The following RNLS variants were observed in gnomAD, a reference collection of about 807,000 sequenced individuals.
The protein encoded by RNLS is renalase, FAD dependent amine oxidase, also known as renalase.
Under a neutral mutation model 39.8 loss-of-function variants are expected in RNLS, and 39 were observed. That is an observed-to-expected ratio of 0.98 (90% CI 0.76 to 1.28). The LOEUF is 1.28. RNLS is among the 50% of genes most tolerant of loss of function. The pLI, the probability that RNLS is intolerant of heterozygous loss-of-function variation, is 0.00. For synonymous variants in RNLS, 147 were observed against 150.7 expected (o/e 0.98, Z 0.18); for missense variants, 410 against 413.3 (o/e 0.99, Z 0.07).
chr10:88,437,127 A>G (rs1841453857), intron 4 of RNLS, among the ~76,000 whole-genome samples: 1 of 152,214 alleles, frequency 6.6e-6, no homozygotes, highest in African/African-American at 2.4e-5. Flanking sequence ...TAAAACTAAG[A>G]CATTTTAGCA....
chr10:88,260,401 A>G, the RNLS span, among the ~76,000 whole-genome samples: 47 of 152,350 alleles, frequency 3.1e-4, no homozygotes, highest in African/African-American at 1.1e-3. Flanking sequence ...GAATTAATGC[A>G]AGTATGGAAT....
chr10:88,285,809 T>G (rs1178808334), intron 6 of RNLS, among the ~76,000 whole-genome samples: 1 of 152,100 alleles, frequency 6.6e-6, no homozygotes, highest in Non-Finnish European at 1.5e-5. Context: ...TCTGAAGGTT[T>G]ATCCCCCTGA....
At chr10:88,373,679 G>A (rs927161464) in intron 4 of RNLS, among the ~76,000 whole-genome samples, 9 of 151,956 alleles carry the variant, frequency 5.9e-5, no homozygotes, top group African/African-American at 2.2e-4. Flanking sequence ...ATGTACTGGT[G>A]TTCACACATT....
At chr10:88,313,278 AAAG>A (rs756835219) in intron 6 of RNLS, among the ~76,000 whole-genome samples, 34 of 152,206 alleles carry the variant, frequency 2.2e-4, no homozygotes, top group Non-Finnish European at 4.0e-4. Flanking sequence ...TGTTTCTTTT[AAAG>A]AAGTATTTAT....
chr10:88,319,781 G>A (rs1434845831), intron 5 of RNLS, among the ~76,000 whole-genome samples: 1 of 151,928 alleles, frequency 6.6e-6, no homozygotes, highest in Non-Finnish European at 1.5e-5. Flanking sequence ...GAAAAATATG[G>A]GATTATGTAA....
intron 4 of RNLS, among the ~76,000 whole-genome samples, chr10:88,444,122 A>C (rs1166580004): frequency 5.3e-5 from 8 of 152,182 alleles, no homozygotes; most frequent in Admixed American, 4.6e-4. Flanking sequence ...CTGAGATGAA[A>C]CTTCCAGAAG....
intron 4 of RNLS, among the ~76,000 whole-genome samples, chr10:88,571,009 G>A (rs1304545339): frequency 1.5e-5 from 2 of 137,550 alleles, no homozygotes; most frequent in Admixed American, 1.6e-4. Context: ...TTTGACACAA[G>A]GTCTTGCTCT....
intron 5 of RNLS, among the ~76,000 whole-genome samples, chr10:88,351,544 G>A (rs1249553401): frequency 6.6e-6 from 1 of 152,120 alleles, no homozygotes; most frequent in Non-Finnish European, 1.5e-5. Flanking sequence ...AGTTGTAGAT[G>A]TGTGGTATTA....
intron 5 of RNLS, 104 bp from the exon 6 acceptor site, chr10:88,314,745 A>C: frequency 1.1e-6 from 1 of 952,182 alleles, no homozygotes. Flanking sequence ...ATAATCAAGC[A>C]ATAAATGGAG....
chr10:88,249,009 G>A, the RNLS span, among the ~76,000 whole-genome samples: 1 of 152,118 alleles, frequency 6.6e-6, no homozygotes, highest in Non-Finnish European at 1.5e-5. Context: ...CCTGGGCCTG[G>A]TCCCCTCTGA....
chr10:88,505,776 T>C (rs527769900), intron 4 of RNLS, among the ~76,000 whole-genome samples: 9 of 152,216 alleles, frequency 5.9e-5, no homozygotes, highest in Non-Finnish European at 7.4e-5. Context: ...TAGCAGTCAC[T>C]ATGTCACCCA....
At chr10:88,398,451 G>T (rs1001825847) in intron 4 of RNLS, among the ~76,000 whole-genome samples, 10 of 151,902 alleles carry the variant, frequency 6.6e-5, no homozygotes, top group Non-Finnish European at 1.2e-4. Flanking sequence ...CTCTGGATTG[G>T]GTGATTAGCA....
intron 6 of RNLS, among the ~76,000 whole-genome samples, chr10:88,308,818 A>G (rs550995090): frequency 3.3e-5 from 5 of 152,348 alleles, no homozygotes; most frequent in African/African-American, 9.6e-5. Context: ...ATACATGTAC[A>G]CATATGTTCA....
At chr10:88,373,002 A>T (rs1284261838) in intron 4 of RNLS, among the ~76,000 whole-genome samples, 1 of 152,112 alleles carries the variant, frequency 6.6e-6, no homozygotes, top group Non-Finnish European at 1.5e-5. Context: ...CTATTATACA[A>T]AATGTCACAG....
chr10:88,489,409 A>AT (rs767331089), intron 4 of RNLS, among the ~76,000 whole-genome samples: 1 of 152,178 alleles, frequency 6.6e-6, no homozygotes, highest in East Asian at 1.9e-4. Context: ...CTTTATCACC[A>AT]TGGTACCCAG....
At chr10:88,443,585 C>T (rs189526338) in intron 4 of RNLS, among the ~76,000 whole-genome samples, 64 of 152,346 alleles carry the variant, frequency 4.2e-4, no homozygotes, top group African/African-American at 1.1e-3. Context: ...CTGTGACAGA[C>T]GGCACCTGGA....
chr10:88,335,277 G>A (rs1212732265), intron 5 of RNLS, among the ~76,000 whole-genome samples: 1 of 151,192 alleles, frequency 6.6e-6, no homozygotes, highest in African/African-American at 2.4e-5. Context: ...GAGTGCAGTG[G>A]CTCAATTTTG....
At chr10:88,539,074 TCTAAAAGA>T (rs1283659198) in intron 4 of RNLS, among the ~76,000 whole-genome samples, 1 of 152,168 alleles carries the variant, frequency 6.6e-6, no homozygotes, top group Non-Finnish European at 1.5e-5. Flanking sequence ...GGAAACTGTT[TCTAAAAGA>T]CTAAGGAAGA....
At chr10:88,489,424 T>C (rs1448242466) in intron 4 of RNLS, among the ~76,000 whole-genome samples, 2 of 152,214 alleles carry the variant, frequency 1.3e-5, no homozygotes, top group African/African-American at 4.8e-5. Context: ...ACCCAGGTAC[T>C]CGGACCCTAG....
Sources: allele counts gnomAD v4.1 joint callset (sites outside exome capture counted in the v4.1 genomes callset), GRCh38; gene constraint gnomAD v4.1.1; transcripts MANE v1.5; gene names NCBI Gene and HGNC (gene_info 2026-07-23, HGNC 2026-07-21).